Variants in CDH7 observed in about 807,000 individuals in gnomAD.
CDH7 encodes cadherin-7.
CDH7 carries 25 observed loss-of-function variants against 71.8 expected under a neutral mutation model. The ratio of observed to expected loss-of-function variants is 0.35; its 90% CI spans 0.25 to 0.49. The LOEUF is 0.49. Among genes scored for constraint, CDH7 ranks in the 20% least tolerant of loss-of-function variants. CDH7 has a pLI of 0.99. For synonymous variants in CDH7, 381 were observed against 363.8 expected (o/e 1.05, Z -0.54); for missense variants, 862 against 974.6 (o/e 0.88, Z 1.54).
intron 2 of CDH7, among the ~76,000 whole-genome samples, chr18:65,773,787 G>A (rs1299052561): frequency 6.6e-6 from 1 of 152,096 alleles, no homozygotes; most frequent in Non-Finnish European, 1.5e-5. Flanking sequence ...GTTCTCAGTG[G>A]ATGGTTACTG....
chr18:65,817,796 G>T (rs1324564622), intron 4 of CDH7, among the ~76,000 whole-genome samples: 1 of 152,050 alleles, frequency 6.6e-6, no homozygotes, highest in Non-Finnish European at 1.5e-5. Flanking sequence ...CCTATTATAT[G>T]AAATTCATTT....
chr18:65,833,619 T>C (rs558239723), intron 6 of CDH7, among the ~76,000 whole-genome samples: 1 of 152,180 alleles, frequency 6.6e-6, no homozygotes, highest in Non-Finnish European at 1.5e-5. Flanking sequence ...ACTATGTATA[T>C]AAGTATATAC....
chr18:65,769,670 T>C (rs1042826987), intron 2 of CDH7, among the ~76,000 whole-genome samples: 2 of 152,214 alleles, frequency 1.3e-5, no homozygotes, highest in African/African-American at 4.8e-5. Flanking sequence ...CTGTCCTGTT[T>C]CCTTATATTT....
At chr18:65,845,123 A>G (rs1912890759) in intron 7 of CDH7, among the ~76,000 whole-genome samples, 1 of 149,840 alleles carries the variant, frequency 6.7e-6, no homozygotes, top group South Asian at 2.1e-4. Context: ...TTCTAAAGTA[A>G]TAAAGTGATT....
At chr18:65,871,407 C>G (rs904371619) in intron 11 of CDH7, among the ~76,000 whole-genome samples, 2 of 152,114 alleles carry the variant, frequency 1.3e-5, no homozygotes, top group African/African-American at 4.8e-5. Flanking sequence ...AGGATCTCAC[C>G]TACCTCCATA....
At position 65,884,963 on chromosome 18, in the gene CDH7, G is replaced by C. The variant is rs1914330377; in HGVS notation, c.*4069G>C. The C allele has an allele frequency of 6.6e-6, 1 of 152,178 alleles. No individual in the cohort carries two copies. The allele number at this position is 152,178 out of a possible 1,614,324, so 9.4% of individuals were successfully genotyped here. ...TCTGGTCCACGATGCCTGGAGGCAA[G>C]TGAAATATATATGACAAATAATAGA... On this transcript the variant is annotated 3_prime_UTR_variant, in exon 12 of 12. Coordinates refer to ENST00000397968, the MANE Select transcript of CDH7 (RefSeq NM_004361.5).
chr18:65,861,181 G>C (rs1038777571), intron 10 of CDH7, among the ~76,000 whole-genome samples: 21 of 152,220 alleles, frequency 1.4e-4, no homozygotes, highest in Middle Eastern at 3.4e-3. Context: ...CTTAAGCCCA[G>C]AGCTCCCTTG....
At chr18:65,800,117 T>C (rs1188823143) in intron 2 of CDH7, among the ~76,000 whole-genome samples, 1 of 152,166 alleles carries the variant, frequency 6.6e-6, no homozygotes, top group Non-Finnish European at 1.5e-5. Context: ...TCTTATTCTG[T>C]CGCCCAGGCT....
At position 65,876,395 on chromosome 18, in the gene CDH7, T is replaced by A. The variant is rs1481131918; in HGVS notation, c.1865-4006T>A. 5.3e-5 allele frequency among the ~76,000 whole-genome samples: 8 copies of A among 152,318 alleles called. No individual in the cohort carries two copies. The East Asian group carries it at 1.5e-3, about 29-fold the overall frequency. ...CAGTAAGAATGATTTTTATTTATTT[T>A]TTTGAAACAATCTGATTATATCATG... On this transcript the variant is annotated intron_variant, in intron 11 of 11. Transcript: ENST00000397968.
At chr18:65,847,011 A>G (rs999226793) in intron 7 of CDH7, among the ~76,000 whole-genome samples, 2 of 101,622 alleles carry the variant, frequency 2.0e-5, no homozygotes, top group African/African-American at 5.8e-5. Context: ...GACAATCTAT[A>G]TTGCAGGTTG....
At chr18:65,783,805 A>T (rs144652803) in intron 2 of CDH7, among the ~76,000 whole-genome samples, 171 of 152,320 alleles carry the variant, frequency 1.1e-3, no homozygotes, top group African/African-American at 3.6e-3. Context: ...AAAGACACCA[A>T]GAATATGACA....
intron 1 of CDH7, among the ~76,000 whole-genome samples, chr18:65,756,189 A>G (rs1916023639): frequency 1.3e-5 from 2 of 152,304 alleles, no homozygotes; most frequent in African/African-American, 2.4e-5. Flanking sequence ...AATCTTGGAA[A>G]TGACAGTTTC....
chr18:65,829,775 AGTGTGTGTGT>A (rs3061822), intron 6 of CDH7, among the ~76,000 whole-genome samples: 19 of 138,122 alleles, frequency 1.4e-4, no homozygotes, highest in Non-Finnish European at 2.0e-4. Flanking sequence ...CAAGGAAGGG[AGTGTGTGTGT>A]GTGTGTGTGT....
At chr18:65,799,879 C>T (rs973008675) in intron 2 of CDH7, among the ~76,000 whole-genome samples, 5 of 152,174 alleles carry the variant, frequency 3.3e-5, no homozygotes, top group Non-Finnish European at 2.9e-5. Context: ...AAATAGTTTT[C>T]GTGTGATTTA....
chr18:65,813,343 A>C (rs1159597926), intron 3 of CDH7, among the ~76,000 whole-genome samples: 2 of 152,206 alleles, frequency 1.3e-5, no homozygotes, highest in Non-Finnish European at 2.9e-5. Context: ...AAAATATAAA[A>C]TAAAATAAAA....
intron 11 of CDH7, among the ~76,000 whole-genome samples, chr18:65,879,915 C>T (rs1440837965): frequency 2.0e-5 from 3 of 152,180 alleles, no homozygotes; most frequent in Non-Finnish European, 4.4e-5. Flanking sequence ...TAACAGTTGA[C>T]TTTCATAGAG....
chr18:65,814,829 CA>C (rs202158685), intron 4 of CDH7, among the ~76,000 whole-genome samples: 3,633 of 152,010 alleles, frequency 0.024, 62 homozygotes, highest in African/African-American at 0.037. Flanking sequence ...GCTATATATT[CA>C]AAAGTATTTC....
intron 2 of CDH7, among the ~76,000 whole-genome samples, chr18:65,795,581 A>C (rs1225622294): frequency 2.0e-5 from 3 of 152,162 alleles, no homozygotes; most frequent in African/African-American, 7.2e-5. Context: ...AGAAATGAAG[A>C]GCAAATGAAC....
rs568863911 is a variant in CDH7, at chr18:65,859,078, T to C, written c.1494+32T>C. On this transcript the variant is annotated intron_variant, in intron 9 of 11. Coordinates refer to ENST00000397968, the MANE Select transcript of CDH7 (RefSeq NM_004361.5). ...GTCTTCAGAACACTTTGCTTCTAAT[T>C]TGTGGTTTCTTAAAAAATATCCAGC... The C allele has an allele frequency of 5.6e-4, 891 of 1,602,338 alleles. 10 individuals carry two copies. The South Asian group carries it at 9.2e-3, about 17-fold the overall frequency.
Sources: gnomAD v4.1 joint callset for allele counts (sites outside exome capture counted in the v4.1 genomes callset) on GRCh38, gnomAD v4.1.1 for gene constraint, MANE v1.5 for transcripts, NCBI Gene and HGNC (gene_info 2026-07-23, HGNC 2026-07-21) for gene names.